The following CYTH4 variants were observed in gnomAD, a reference collection of about 807,000 sequenced individuals.
CYTH4 encodes cytohesin-4.
In CYTH4, 22 loss-of-function variants were observed where a neutral mutation model predicts 57.5. The ratio of observed to expected loss-of-function variants is 0.38; its 90% CI spans 0.27 to 0.55. The LOEUF (loss-of-function observed/expected upper bound fraction) is 0.55, where lower values mean the gene tolerates loss of function less well. Among genes scored for constraint, CYTH4 ranks in the 20% least tolerant of loss-of-function variants. The probability of loss-of-function intolerance (pLI) is 0.74; values close to 1 mark genes in which losing one functional copy is unlikely to be tolerated. For missense variants in CYTH4, 420 were observed against 535.6 expected, an observed-to-expected ratio of 0.78 and a Z score of 2.13; for synonymous variants, 186 against 206.5, an observed-to-expected ratio of 0.90 and a Z score of 0.85.
At position 37,311,330 on chromosome 22, in the gene CYTH4, G is replaced by A; in HGVS notation, c.886-126G>A. ...CTGCTTCTAACTTCCGTCCCCCTAT[G>A]ACTGGACAGTCTCGGAAGATGAGCA... is the stretch of plus-strand genomic sequence containing the variant. On this transcript the variant is annotated intron_variant, in intron 10 of 12. Transcript: ENST00000248901. This position sits in a 1 kb window ranked among gnomAD's most constrained non-coding sequence, Gnocchi z 4.4. 1.1e-6 allele frequency: 1 copy of A among 879,538 alleles called. No individual in the cohort carries two copies. Among genetic ancestry groups the A allele is most frequent in the Non-Finnish European group, 1.8e-6 (1 of 545,576 alleles). 54.5% of individuals were successfully genotyped at this position (879,538 alleles called of 1,614,324 possible). A position where few individuals can be genotyped will look rare whatever the true frequency, so the allele number is the denominator to read the frequency against.
rs1004970007 is a variant in CYTH4 at position 37,309,437 on chromosome 22, G to A, written c.808+114G>A. 28 of 907,036 alleles carry A rather than the reference G, an allele frequency of 3.1e-5. 1 individual carries two copies. The Admixed American group carries it at 5.4e-4, about 17-fold the overall frequency. 56.2% of individuals were successfully genotyped at this position (907,036 alleles called of 1,614,324 possible). Reference sequence around the variant, plus strand: ...CCCCCAGCTGACACGAGGCTCACATGCATCCTGGGGGATGGAGTTGGACAG... The same window carrying A: ...CCCCCAGCTGACACGAGGCTCACATACATCCTGGGGGATGGAGTTGGACAG... On this transcript the variant is annotated intron_variant, in intron 9 of 12. Coordinates refer to ENST00000248901, the MANE Select transcript of CYTH4 (RefSeq NM_013385.5).
intron 1 of CYTH4, among the ~76,000 whole-genome samples, chr22:37,290,958 G>C (rs1287865573): frequency 6.6e-6 from 1 of 152,164 alleles, no homozygotes; most frequent in African/African-American, 2.4e-5. Context: ...ATGGTGCCTT[G>C]GTCCTGAAGA....
At chr22:37,312,743 G>A (rs900014630) in intron 12 of CYTH4, among the ~76,000 whole-genome samples, 1 of 152,234 alleles carries the variant, frequency 6.6e-6, no homozygotes, top group African/African-American at 2.4e-5. Context: ...GGGGTGGCTG[G>A]GTGAGGAAAG....
rs1385108553 is a variant in CYTH4, at chr22:37,314,413, G to C, written c.*902G>C. 5.0e-6 allele frequency: 2 copies of C among 398,570 alleles called. No homozygotes were observed. The highest frequency in any genetic ancestry group is 8.8e-6 in the Non-Finnish European group (2 of 226,104). The allele number at this position is 398,570 out of a possible 1,614,324, so 24.7% of individuals were successfully genotyped here. On this transcript the variant is annotated 3_prime_UTR_variant, in exon 13 of 13. Coordinates refer to ENST00000248901, the MANE Select transcript of CYTH4 (RefSeq NM_013385.5). ...AGACAGATGGGACTCAAGCAGGATG[G>C]GTGCTATATCCAAGAAGCCAAGAAG...
chr22:37,289,871 C>T (rs560973748), intron 1 of CYTH4, among the ~76,000 whole-genome samples: 4 of 152,316 alleles, frequency 2.6e-5, no homozygotes, highest in East Asian at 1.9e-4. Context: ...GCCATCCTCC[C>T]GACCGGGGAA....
chr22:37,313,588 C>A lies in CYTH4; in HGVS notation c.*77C>A. ...GCAGCACCTGGAGACCCACCTCCCACCCCAGTGCACTCTTTTGGGCCACAG... is the reference window on the plus strand; with the variant it reads ...GCAGCACCTGGAGACCCACCTCCCAACCCAGTGCACTCTTTTGGGCCACAG... On this transcript the variant is annotated 3_prime_UTR_variant, in exon 13 of 13. Coordinates refer to ENST00000248901, the MANE Select transcript of CYTH4 (RefSeq NM_013385.5). The A allele has an allele frequency of 7.8e-7, 1 of 1,282,878 alleles. No individual in the cohort carries two copies. The highest frequency in any genetic ancestry group is 1.2e-5 in the South Asian group (1 of 83,280). 79.5% of individuals were successfully genotyped at this position (1,282,878 alleles called of 1,614,324 possible).
chr22:37,313,679 G>C lies in CYTH4; in HGVS notation c.*168G>C. 1 of 667,574 alleles carries C rather than the reference G, an allele frequency of 1.5e-6. No homozygotes were observed. Among genetic ancestry groups the C allele is most frequent in the Admixed American group, 2.6e-5 (1 of 38,418 alleles). The allele number at this position is 667,574 out of a possible 1,614,324, so 41.4% of individuals were successfully genotyped here. ...GGGGAAGGCAGAGCTCAGGAGGGTG[G>C]GTGGGAGCTGCAGTGGGCTCAGAGT... is the stretch of plus-strand genomic sequence containing the variant. On this transcript the variant is annotated 3_prime_UTR_variant, in exon 13 of 13. Coordinates refer to ENST00000248901, the MANE Select transcript of CYTH4 (RefSeq NM_013385.5).
chr22:37,303,176 T>C lies in CYTH4; in HGVS notation c.548-78T>C, dbSNP rs893193678. The C allele has an allele frequency of 1.3e-5, 21 of 1,582,834 alleles. No individual in the cohort carries two copies. In the Admixed American group the frequency reaches 4.1e-4, roughly 31 times the overall value. The stretch of plus-strand genomic sequence containing the variant: ...ACCTTCGGGGCCTTGCAATGGCAGT[T>C]CTGGGCCCTGGAAGGGGCCGGGACA... On this transcript the variant is annotated intron_variant, in intron 7 of 12. Coordinates refer to ENST00000248901, the MANE Select transcript of CYTH4 (RefSeq NM_013385.5).
intron 1 of CYTH4, among the ~76,000 whole-genome samples, chr22:37,288,703 C>A (rs1302284343): frequency 1.3e-5 from 2 of 152,232 alleles, no homozygotes; most frequent in Non-Finnish European, 2.9e-5. Flanking sequence ...CAGAGCACCA[C>A]ACAGTGGTGG....
rs975979514 is a variant in CYTH4, at chr22:37,313,631, C to T, written c.*120C>T. On this transcript the variant is annotated 3_prime_UTR_variant, in exon 13 of 13. Coordinates refer to ENST00000248901, the MANE Select transcript of CYTH4 (RefSeq NM_013385.5). Reference sequence around the variant, plus strand: ...GGCCACAGACATCATTGCTGTTCCCCGTTACCTCGAGCTGACTCTAGAGGG... The same window carrying T: ...GGCCACAGACATCATTGCTGTTCCCTGTTACCTCGAGCTGACTCTAGAGGG... The T allele has an allele frequency of 1.1e-5, 10 of 919,594 alleles. No homozygotes were observed. The highest frequency in any genetic ancestry group is 7.7e-5 in the East Asian group (3 of 38,930). The allele number at this position is 919,594 out of a possible 1,614,324, so 57.0% of individuals were successfully genotyped here.
At position 37,311,990 on chromosome 22, in the gene CYTH4, TCCCA is replaced by T. The variant is rs770117294; in HGVS notation, c.958-26_958-23del. ...GAGGGCCCACCCAGCCTCCCTCTCT[TCCCA>T]CCCTTGCCTGGCCACCTCCCCACAG... On this transcript the variant is annotated intron_variant, in intron 11 of 12. Coordinates refer to ENST00000248901, the MANE Select transcript of CYTH4 (RefSeq NM_013385.5). This position sits in a 1 kb window ranked among gnomAD's most constrained non-coding sequence, Gnocchi z 4.4. 3 of 1,604,264 alleles carry T rather than the reference TCCCA, an allele frequency of 1.9e-6. No homozygotes were observed. In the Admixed American group the frequency reaches 5.0e-5, roughly 27 times the overall value.
intron 6 of CYTH4, 74 bp downstream of exon 6, chr22:37,299,380 C>A: frequency 1.6e-6 from 2 of 1,271,644 alleles, no homozygotes; most frequent in Non-Finnish European, 2.3e-6. Context: ...TCGCGATCCA[C>A]ATAGCTGACA....
intron 8 of CYTH4, among the ~76,000 whole-genome samples, chr22:37,308,061 C>T (rs1929465466): frequency 6.6e-6 from 1 of 152,232 alleles, no homozygotes; most frequent in Non-Finnish European, 1.5e-5. Context: ...CCCACCCCGG[C>T]CCATCCAGCA....
intron 9 of CYTH4, chr22:37,309,858 G>T (rs1351847643): frequency 9.7e-6 from 3 of 308,524 alleles, no homozygotes; most frequent in Non-Finnish European, 2.1e-5. Flanking sequence ...CTGACTGGGG[G>T]CAGGGAGGGC....
intron 1 of CYTH4, among the ~76,000 whole-genome samples, chr22:37,283,416 C>T (rs1313950168): frequency 6.6e-6 from 1 of 152,196 alleles, no homozygotes; most frequent in Non-Finnish European, 1.5e-5. Flanking sequence ...CTGGTGAACA[C>T]GGCTGCTGGA....
chr22:37,296,441 C>A, intron 4 of CYTH4: 1 of 232,336 alleles, frequency 4.3e-6, no homozygotes, highest in Non-Finnish European at 8.6e-6. Context: ...CAGGGAGGGC[C>A]AGTCCTGCGG....
Position 37,298,546 on chromosome 22 carries a change from C to T in CYTH4, c.354-680C>T, listed in dbSNP as rs529950005. On this transcript the variant is annotated intron_variant, in intron 5 of 12. Transcript: ENST00000248901. This position sits in a 1 kb window ranked among gnomAD's most constrained non-coding sequence, Gnocchi z 4.1. Reference sequence around the variant, plus strand: ...GCAGTACAGACATCTGGGGGAGGAGCGGTCCAGGAGTAGCAAGTAAAAAGG... The same window carrying T: ...GCAGTACAGACATCTGGGGGAGGAGTGGTCCAGGAGTAGCAAGTAAAAAGG... The T allele has an allele frequency of 2.9e-4, 45 of 154,334 alleles. No homozygotes were observed. The highest frequency in any genetic ancestry group is 1.3e-3 in the Admixed American group (20 of 15,444). 9.6% of individuals were successfully genotyped at this position (154,334 alleles called of 1,614,324 possible). A position where few individuals can be genotyped will look rare whatever the true frequency, so the allele number is the denominator to read the frequency against.
chr22:37,288,108 C>T (rs763659323), intron 1 of CYTH4, among the ~76,000 whole-genome samples: 1 of 152,048 alleles, frequency 6.6e-6, no homozygotes, highest in African/African-American at 2.4e-5. Context: ...GTGAAACCCC[C>T]GTCTCTATTA....
rs543074965 is a variant in CYTH4 at position 37,295,569 on chromosome 22, G to A, written c.168-430G>A. Among the ~76,000 whole-genome samples the A allele has an allele frequency of 6.6e-6, 1 of 152,338 alleles. No individual in the cohort carries two copies. The highest frequency in any genetic ancestry group is 2.1e-4 in the South Asian group (1 of 4,830). ...ACCTCTCAACAATGCTGGGAGGCAG[G>A]TGGTGGTATCACCTCCATTTTATAG... On this transcript the variant is annotated intron_variant, in intron 3 of 12. Coordinates refer to ENST00000248901, the MANE Select transcript of CYTH4 (RefSeq NM_013385.5). The surrounding 1 kb of genome is among the most constrained non-coding windows in gnomAD (Gnocchi z 4.1).
Sources: allele counts gnomAD v4.1 joint callset (sites outside exome capture counted in the v4.1 genomes callset), GRCh38; gene constraint gnomAD v4.1.1; non-coding constraint Gnocchi (gnomAD v3.1); transcripts MANE v1.5; gene names NCBI Gene and HGNC (gene_info 2026-07-23, HGNC 2026-07-21).